The following AFF3 variants were observed in gnomAD, a reference collection of about 807,000 sequenced individuals.
The protein encoded by AFF3 is ALF transcription elongation factor 3, also known as AF4/FMR2 family member 3.
A neutral mutation model predicts 129.7 loss-of-function variants in AFF3; 32 were observed. The ratio of observed to expected loss-of-function variants is 0.25; its 90% CI spans 0.19 to 0.33. The LOEUF (loss-of-function observed/expected upper bound fraction) is 0.33. AFF3 is among the 10% of genes least tolerant of loss of function. The pLI, the probability that AFF3 is intolerant of heterozygous loss-of-function variation, is 1.00. For missense variants in AFF3, 1,373 were observed against 1,592.0 expected (o/e 0.86, Z 2.34); for synonymous variants, 644 against 635.4 (o/e 1.01, Z -0.20).
rs538624820 is a variant in AFF3, at chr2:99,584,244, T to G, written c.2592-1245A>C. Among the ~76,000 whole-genome samples the G allele has an allele frequency of 7.3e-3, 1,109 of 151,172 alleles. 8 individuals carry two copies. The highest frequency in any genetic ancestry group is 0.025 in the African/African-American group (1,029 of 41,234). Reference sequence around the variant, plus strand: ...GCACTTTGGGAGGCCAAGGTGGGCGTATCACTTGAGGTCGGGAGTTCGAGA... The same window carrying G: ...GCACTTTGGGAGGCCAAGGTGGGCGGATCACTTGAGGTCGGGAGTTCGAGA... On this transcript the variant is annotated intron_variant, in intron 16 of 24. Transcript: ENST00000672756.
chr2:99,837,721 T>C (rs1688999740), intron 7 of AFF3, among the ~76,000 whole-genome samples, 197 bp from the exon 8 acceptor site: 1 of 151,976 alleles, frequency 6.6e-6, no homozygotes. Context: ...CTCCCCCTTC[T>C]CTGGCTGGAG....
chr2:100,134,246 T>C (rs1366049627), intron 1 of AFF3, among the ~76,000 whole-genome samples: 1 of 152,212 alleles, frequency 6.6e-6, no homozygotes, highest in Non-Finnish European at 1.5e-5. Context: ...ATATAAGCCT[T>C]GTATAAAAAT....
intron 14 of AFF3, among the ~76,000 whole-genome samples, chr2:99,600,186 C>G (rs1679684624): frequency 6.6e-6 from 1 of 152,122 alleles, no homozygotes; most frequent in Admixed American, 6.6e-5. Context: ...GATGGAGAGG[C>G]AGAGACTGAA....
rs143679664 is a variant in AFF3, at chr2:100,042,097, A to C, written c.54-33165T>G. On this transcript the variant is annotated intron_variant, in intron 4 of 24. Transcript: ENST00000672756. The stretch of plus-strand genomic sequence containing the variant: ...CCCCGGCCCGGCCCCACCATCACTC[A>C]TTCTGCCCTGCCACACTGGCCTTCT... Among the ~76,000 whole-genome samples, 313 of 151,786 alleles carry C rather than the reference A, an allele frequency of 2.1e-3. 1 individual carries two copies. Among genetic ancestry groups the C allele is most frequent in the Non-Finnish European group, 3.6e-3 (247 of 67,892 alleles).
intron 7 of AFF3, among the ~76,000 whole-genome samples, chr2:99,996,036 T>C (rs1049671037): frequency 6.6e-6 from 1 of 152,202 alleles, no homozygotes; most frequent in African/African-American, 2.4e-5. Context: ...AAAATTTACT[T>C]AGTCACTCAT....
intron 7 of AFF3, among the ~76,000 whole-genome samples, chr2:99,861,082 T>A (rs970447330): frequency 2.6e-5 from 4 of 152,158 alleles, no homozygotes; most frequent in Admixed American, 2.6e-4. Flanking sequence ...ATCAGAGGGC[T>A]TCAGATGGAA....
intron 7 of AFF3, among the ~76,000 whole-genome samples, chr2:99,873,102 A>G (rs191179613): frequency 1.2e-4 from 18 of 152,364 alleles, no homozygotes; most frequent in Non-Finnish European, 2.1e-4. Context: ...CAAGACAACC[A>G]TCCTACCTGA....
chr2:99,946,007 T>C (rs73964371), intron 7 of AFF3, among the ~76,000 whole-genome samples: 3,783 of 152,312 alleles, frequency 0.025, 78 homozygotes, highest in African/African-American at 0.059. Flanking sequence ...TTTTGACAAA[T>C]AGAAATTCCT....
rs777842030 is a variant in AFF3, at chr2:99,551,477, T to C, written c.3678A>G (p.Ser1226=). Reference sequence around the variant, plus strand: ...CTCTGGCCCCAGGGTGAGGTCCCTATGACAGGTGGGCGCTGTTCCGCAGCC... The same window carrying C: ...CTCTGGCCCCAGGGTGAGGTCCCTACGACAGGTGGGCGCTGTTCCGCAGCC... ...LHWLRNSAHL[S] The change falls in exon 25 of 25, where the codon TCA becomes TCG. Residue 1226 remains serine (S), a synonymous_variant. Transcript: ENST00000672756. 6.2e-7 allele frequency: 1 copy of C among 1,614,112 alleles called. No individual in the cohort carries two copies. The highest frequency in any genetic ancestry group is 8.5e-7 in the Non-Finnish European group (1 of 1,180,008).
intron 10 of AFF3, among the ~76,000 whole-genome samples, chr2:99,729,109 C>A (rs1368725720): frequency 6.6e-6 from 1 of 152,106 alleles, no homozygotes; most frequent in Non-Finnish European, 1.5e-5. Context: ...GTTACTTTCC[C>A]CAGTCTCTAG....
intron 7 of AFF3, among the ~76,000 whole-genome samples, chr2:99,875,478 C>T (rs566383359): frequency 6.2e-4 from 95 of 152,330 alleles, no homozygotes; most frequent in African/African-American, 2.0e-3. Context: ...CTTCCTCCAA[C>T]GGATTATTCT....
chr2:99,650,283 G>A (rs1170864454), intron 12 of AFF3, among the ~76,000 whole-genome samples: 1 of 152,318 alleles, frequency 6.6e-6, no homozygotes, highest in African/African-American at 2.4e-5. Context: ...GGAGGGCTGG[G>A]TGCGGTGGCT....
intron 7 of AFF3, among the ~76,000 whole-genome samples, chr2:99,949,107 G>T (rs1006067751): frequency 6.6e-6 from 1 of 152,264 alleles, no homozygotes; most frequent in Admixed American, 6.5e-5. Flanking sequence ...ACTTTCAAGG[G>T]TGACCTTAAG....
At chr2:99,904,461 T>C (rs1694569101) in intron 7 of AFF3, among the ~76,000 whole-genome samples, 1 of 152,150 alleles carries the variant, frequency 6.6e-6, no homozygotes, top group Non-Finnish European at 1.5e-5. Flanking sequence ...GGGCCCTTTT[T>C]GTCTGATTTT....
chr2:100,051,310 G>A (rs1686313648), intron 4 of AFF3, among the ~76,000 whole-genome samples: 1 of 152,168 alleles, frequency 6.6e-6, no homozygotes. Context: ...TACGAGCTGA[G>A]CCCACGCAAC....
intron 20 of AFF3, among the ~76,000 whole-genome samples, chr2:99,563,015 T>C (rs1675613275): frequency 2.5e-5 from 3 of 121,318 alleles, no homozygotes; most frequent in East Asian, 5.0e-4. Context: ...TGCTTGGCCA[T>C]CTGGAGTTCC....
At chr2:99,601,353 G>T (rs1349515502) in intron 14 of AFF3, 82 bp downstream of exon 14, 1 of 1,427,670 alleles carries the variant, frequency 7.0e-7, no homozygotes. Context: ...CTGCAGCAGT[G>T]TGACAGTGAC....
At chr2:99,562,979 G>A (rs1675610164) in intron 20 of AFF3, among the ~76,000 whole-genome samples, 1 of 151,920 alleles carries the variant, frequency 6.6e-6, no homozygotes, top group Non-Finnish European at 1.5e-5. Context: ...AGCTCGTGTG[G>A]TGGCAGTGCT....
intron 8 of AFF3, among the ~76,000 whole-genome samples, chr2:99,826,650 C>T (rs1233907955): frequency 6.6e-6 from 1 of 152,112 alleles, no homozygotes; most frequent in Non-Finnish European, 1.5e-5. Context: ...GTGGTTACGC[C>T]TGCAGAAGTG....
Sources: gnomAD v4.1 joint callset for allele counts (sites outside exome capture counted in the v4.1 genomes callset) on GRCh38, gnomAD v4.1.1 for gene constraint, MANE v1.5 for transcripts, NCBI Gene and HGNC (gene_info 2026-07-23, HGNC 2026-07-21) for gene names.